Variants in ZNF280C observed in about 807,000 individuals in gnomAD.
The protein encoded by ZNF280C is suppressor of hairy wing homolog 3.
In ZNF280C, 14 loss-of-function variants were observed where a neutral mutation model predicts 53.6. The observed-to-expected ratio is 0.26, with a 90% confidence interval of 0.17 to 0.41. The LOEUF (loss-of-function observed/expected upper bound fraction) is 0.41, where lower values mean the gene tolerates loss of function less well. ZNF280C is among the 10% of genes least tolerant of loss of function. The pLI, the probability that ZNF280C is intolerant of heterozygous loss-of-function variation, is 1.00. For missense variants in ZNF280C, 416 were observed against 547.1 expected (o/e 0.76, Z 2.39); for synonymous variants, 203 against 181.1 (o/e 1.12, Z -0.97).
At chrX:130,206,502 G>A (rs2031977029) in intron 16 of ZNF280C, among the ~76,000 whole-genome samples, 1 of 109,139 alleles carries the variant, frequency 9.2e-6, no homozygotes, top group African/African-American at 3.3e-5. Context: ...AAGTAGCTGG[G>A]ACTACAGGCG....
intron 12 of ZNF280C, 137 bp downstream of exon 12, chrX:130,226,622 C>G: frequency 1.8e-6 from 1 of 548,518 alleles, no homozygotes. Flanking sequence ...TTCAGAACAA[C>G]TTTGCTTTCT....
In ZNF280C at chrX:130,246,835, A is replaced by T. The variant is rs190344631; in HGVS notation, c.178+24T>A. The T allele has an allele frequency of 1.3e-3, 1,534 of 1,200,819 alleles. 8 individuals carry two copies. The South Asian group carries it at 0.014, about 11-fold the overall frequency. On this transcript the variant is annotated intron_variant, in intron 3 of 18. Coordinates refer to ENST00000370978, the MANE Select transcript of ZNF280C (RefSeq NM_017666.5). ...AGAAACAACCATCTTATGAAACGTT[A>T]CTTCACTGAAAGTAAATGCTTACTT...
At chrX:130,246,375 T>A (rs549287348) in intron 3 of ZNF280C, among the ~76,000 whole-genome samples, 1 of 112,295 alleles carries the variant, frequency 8.9e-6, no homozygotes, top group South Asian at 3.7e-4. Context: ...CATTTTATAG[T>A]CATATATCAA....
chrX:130,266,460 T>C (rs1186139644), intron 1 of ZNF280C, among the ~76,000 whole-genome samples: 1 of 112,061 alleles, frequency 8.9e-6, no homozygotes, highest in African/African-American at 3.2e-5. Flanking sequence ...ATACTAATAA[T>C]GTATTGTATA....
At chrX:130,233,526 G>A (rs1389003504) in intron 8 of ZNF280C, among the ~76,000 whole-genome samples, 1 of 106,383 alleles carries the variant, frequency 9.4e-6, no homozygotes, top group African/African-American at 3.4e-5. Context: ...TGAGGCAGGA[G>A]AATTGCTTGA....
At chrX:130,232,575 A>G (rs939304726) in intron 8 of ZNF280C, among the ~76,000 whole-genome samples, 2 of 111,807 alleles carry the variant, frequency 1.8e-5, no homozygotes, top group Non-Finnish European at 3.8e-5. Flanking sequence ...TAGCCAACAC[A>G]TATGTGCAAA....
At chrX:130,237,021 A>G (rs1448368250) in intron 6 of ZNF280C, among the ~76,000 whole-genome samples, 1 of 112,048 alleles carries the variant, frequency 8.9e-6, no homozygotes, top group Non-Finnish European at 1.9e-5. Context: ...GAATACTCTA[A>G]GTTTCTACAC....
At chrX:130,255,641 A>T (rs2032562450) in intron 2 of ZNF280C, among the ~76,000 whole-genome samples, 1 of 112,149 alleles carries the variant, frequency 8.9e-6, no homozygotes, top group Non-Finnish European at 1.9e-5. Context: ...AGCGGGACAT[A>T]TGAAATTTCA....
chrX:130,211,412 T>C (rs1200525491), intron 15 of ZNF280C, among the ~76,000 whole-genome samples: 1 of 112,224 alleles, frequency 8.9e-6, no homozygotes, highest in Non-Finnish European at 1.9e-5. Context: ...TAGATCAATT[T>C]TGAGGGCCTG....
chrX:130,254,447 C>T (rs2032544460), intron 2 of ZNF280C, among the ~76,000 whole-genome samples: 1 of 111,819 alleles, frequency 8.9e-6, no homozygotes, highest in Non-Finnish European at 1.9e-5. Context: ...ATCATAAAGA[C>T]ACATGTATAC....
intron 12 of ZNF280C, 86 bp from the exon 13 acceptor site, chrX:130,220,566 A>G: frequency 1.1e-6 from 1 of 928,362 alleles, no homozygotes; most frequent in Non-Finnish European, 1.4e-6. Context: ...AAATCTAAAT[A>G]AATTTACAAC....
chrX:130,237,977 A>G (rs770942308), intron 6 of ZNF280C, among the ~76,000 whole-genome samples: 1 of 111,461 alleles, frequency 9.0e-6, no homozygotes, highest in East Asian at 2.8e-4. Flanking sequence ...AAATAAAATC[A>G]ACCTGAGCTC....
At chrX:130,221,428 G>A (rs1007303063) in intron 12 of ZNF280C, among the ~76,000 whole-genome samples, 7 of 111,223 alleles carry the variant, frequency 6.3e-5, no homozygotes, top group African/African-American at 1.6e-4. Context: ...TCCACCCACC[G>A]CCTACTTGAC....
intron 12 of ZNF280C, among the ~76,000 whole-genome samples, chrX:130,225,283 T>C (rs957464096): frequency 5.4e-5 from 6 of 110,720 alleles, no homozygotes; most frequent in African/African-American, 1.6e-4. Flanking sequence ...TTATGTTCCA[T>C]TCTTCTTTTC....
At chrX:130,228,943 C>T (rs1331818174) in intron 10 of ZNF280C, 34 bp downstream of exon 10, 1 of 1,095,378 alleles carries the variant, frequency 9.1e-7, no homozygotes. Context: ...TCAAAGTCAA[C>T]AATATTCAGG....
chrX:130,243,590 A>C lies in ZNF280C; in HGVS notation c.354T>G (p.Ser118=). Residue 118 remains serine, a synonymous_variant, in exon 5 of 19, where the codon TCT becomes TCG. Transcript: ENST00000370978. ...FHLVSKSSQS[S]VTVENASKPD... Reference sequence around the variant, plus strand: ...GTTTAGACGCATTCTCAACAGTAACAGAGCTTTGTGAAGATTTAGATACAA... The same window carrying C: ...GTTTAGACGCATTCTCAACAGTAACCGAGCTTTGTGAAGATTTAGATACAA... The C allele has an allele frequency of 8.3e-7, 1 of 1,211,072 alleles. No homozygotes were observed. Among genetic ancestry groups the C allele is most frequent in the Non-Finnish European group, 1.1e-6 (1 of 894,904 alleles).
chrX:130,240,216 A>T (rs2032375124), intron 5 of ZNF280C, among the ~76,000 whole-genome samples: 1 of 111,719 alleles, frequency 9.0e-6, no homozygotes, highest in Non-Finnish European at 1.9e-5. Flanking sequence ...GGAAATACCC[A>T]ATGACAAAGA....
In ZNF280C at chrX:130,215,811, G is replaced by A; in HGVS notation, c.1818C>T (p.Ser606=). The part of the protein sequence containing the change: ...KRQRNRKNKM[S]LALKNIRCRR... The stretch of plus-strand genomic sequence containing the variant: ...ATTACCTTATGTTCTTCAAAGCAAG[G>A]CTCATTTTATTTTTTCTGTTGCGCT... Residue 606 remains serine, a synonymous_variant, in exon 14 of 19, where the codon AGC becomes AGT. Transcript: ENST00000370978. 8.3e-7 allele frequency: 1 copy of A among 1,205,142 alleles called. No homozygotes were observed. Among genetic ancestry groups the A allele is most frequent in the Non-Finnish European group, 1.1e-6 (1 of 892,957 alleles).
chrX:130,226,919 G>GA lies in ZNF280C; in HGVS notation c.1249-15dup, dbSNP rs776113214. 5.1e-6 allele frequency: 6 copies of GA among 1,182,846 alleles called. No homozygotes were observed. The East Asian group carries it at 1.8e-4, about 35-fold the overall frequency. Reference sequence around the variant, plus strand: ...AAACTGGCAAACCTAGAAATATAAAGAAGGCTTAGTTTAACTTGATATTTT... The same window carrying GA: ...AAACTGGCAAACCTAGAAATATAAAGAAAGGCTTAGTTTAACTTGATATTTT... On this transcript the variant is annotated splice_polypyrimidine_tract_variant and intron_variant, in intron 11 of 18. Transcript: ENST00000370978.
Sources: allele counts gnomAD v4.1 joint callset (sites outside exome capture counted in the v4.1 genomes callset), GRCh38; gene constraint gnomAD v4.1.1; transcripts MANE v1.5; gene names NCBI Gene and HGNC (gene_info 2026-07-23, HGNC 2026-07-21).